PIK3CB: variants seen among roughly 807,000 people sequenced by gnomAD.
PIK3CB encodes the protein phosphatidylinositol-4,5-bisphosphate 3-kinase catalytic subunit beta.
PIK3CB carries 39 observed loss-of-function variants against 136.8 expected under a neutral mutation model. That is an observed-to-expected ratio of 0.29 (90% CI 0.22 to 0.37). The LOEUF (loss-of-function observed/expected upper bound fraction) is 0.37, where lower values mean the gene tolerates loss of function less well. PIK3CB is among the 10% of genes least tolerant of loss of function. PIK3CB has a pLI of 1.00. For synonymous variants in PIK3CB, 428 were observed against 436.6 expected (o/e 0.98, Z 0.25); for missense variants, 868 against 1,275.4 (o/e 0.68, Z 4.87).
chr3:138,817,384 C>T (rs1261047026), intron 1 of PIK3CB, among the ~76,000 whole-genome samples: 8 of 151,664 alleles, frequency 5.3e-5, no homozygotes, highest in South Asian at 2.1e-4. Flanking sequence ...GGCCTGGTGG[C>T]GCATGCCTGT....
chr3:138,695,416 C>A (rs928657020), intron 13 of PIK3CB, among the ~76,000 whole-genome samples: 1 of 152,096 alleles, frequency 6.6e-6, no homozygotes, highest in Non-Finnish European at 1.5e-5. Context: ...TGTTGGCTAT[C>A]TTGTGGATGT....
intron 2 of PIK3CB, among the ~76,000 whole-genome samples, chr3:138,780,124 AT>A (rs141003696): frequency 6.6e-6 from 1 of 151,570 alleles, no homozygotes; most frequent in Non-Finnish European, 1.5e-5. Flanking sequence ...CACCCGGCTA[AT>A]TTTTGGTATT....
chr3:138,760,570 A>C (rs994327709), intron 2 of PIK3CB, among the ~76,000 whole-genome samples: 1 of 152,220 alleles, frequency 6.6e-6, no homozygotes, highest in African/African-American at 2.4e-5. Flanking sequence ...AAATGAACCA[A>C]GGTTCATTTA....
At chr3:138,756,042 A>C (rs2045560762) in intron 3 of PIK3CB, 63 bp from the exon 4 acceptor site, 2 of 872,102 alleles carry the variant, frequency 2.3e-6, no homozygotes, top group Admixed American at 3.9e-5. Context: ...CAAAGATATA[A>C]GGATGCTCAC....
intron 1 of PIK3CB, chr3:138,825,204 G>A (rs960698641): frequency 2.5e-5 from 8 of 315,466 alleles, no homozygotes; most frequent in Admixed American, 3.5e-5. Context: ...CAAGTATTAC[G>A]TGACCATCAC....
intron 12 of PIK3CB, among the ~76,000 whole-genome samples, chr3:138,702,825 T>C (rs1478798676): frequency 6.6e-6 from 1 of 152,202 alleles, no homozygotes; most frequent in Non-Finnish European, 1.5e-5. Context: ...TATTTTACTG[T>C]TTTACTTTTT....
chr3:138,762,443 A>G (rs1456037665), intron 2 of PIK3CB, among the ~76,000 whole-genome samples: 2 of 152,138 alleles, frequency 1.3e-5, no homozygotes, highest in Non-Finnish European at 2.9e-5. Flanking sequence ...CAGTATATGG[A>G]AAGGTCTCTA....
intron 1 of PIK3CB, among the ~76,000 whole-genome samples, chr3:138,820,033 G>C (rs1431918042): frequency 4.6e-5 from 7 of 152,196 alleles, no homozygotes; most frequent in African/African-American, 1.4e-4. Flanking sequence ...CCAGAGTTGA[G>C]ATCCACTGTT....
chr3:138,685,449 A>G (rs911692571), intron 16 of PIK3CB, among the ~76,000 whole-genome samples: 1 of 149,914 alleles, frequency 6.7e-6, no homozygotes, highest in African/African-American at 2.4e-5. Flanking sequence ...GATAAATATG[A>G]AACTTAAACT....
Position 138,655,296 on chromosome 3 carries a change from T to C in PIK3CB, c.*93A>G. 1 of 1,259,290 alleles carries C rather than the reference T, an allele frequency of 7.9e-7. No individual in the cohort carries two copies. The highest frequency in any genetic ancestry group is 1.1e-6 in the Non-Finnish European group (1 of 881,492). The allele number at this position is 1,259,290 out of a possible 1,614,324, so 78.0% of individuals were successfully genotyped here. ...GAGTTCCAGGATTTCATTCCCTTTA[T>C]AACATCTCTAACAGGGTCATGTTCA... On this transcript the variant is annotated 3_prime_UTR_variant, in exon 24 of 24. Coordinates refer to ENST00000674063, the MANE Select transcript of PIK3CB (RefSeq NM_006219.3).
In PIK3CB at chr3:138,801,861, C is replaced by CAAA. The variant is rs35232938; in HGVS notation, c.-121-5297_-121-5295dup. On this transcript the variant is annotated intron_variant, in intron 1 of 23. Coordinates refer to ENST00000674063, the MANE Select transcript of PIK3CB (RefSeq NM_006219.3). ...CTGGTGACAGAGCAAGACTCCATCT[C>CAAA]AAAAAAAAAAAAAAAAAAAAAGATA... Among the ~76,000 whole-genome samples the CAAA allele has an allele frequency of 4.2e-3, 241 of 57,222 alleles. 2 individuals carry two copies. The highest frequency in any genetic ancestry group is 0.017 in the African/African-American group (218 of 12,628). The allele number at this position is 57,222 out of a possible 152,430, so 37.5% of individuals were successfully genotyped here. A position where few individuals can be genotyped will look rare whatever the true frequency, so the allele number is the denominator to read the frequency against.
intron 8 of PIK3CB, among the ~76,000 whole-genome samples, chr3:138,722,690 G>C (rs894272784): frequency 6.8e-6 from 1 of 146,330 alleles, no homozygotes; most frequent in South Asian, 2.1e-4. Context: ...TGCTATAAAA[G>C]CTCAAAAAAA....
At chr3:138,667,897 T>C (rs1162506512) in intron 19 of PIK3CB, among the ~76,000 whole-genome samples, 1 of 151,786 alleles carries the variant, frequency 6.6e-6, no homozygotes, top group Non-Finnish European at 1.5e-5. Context: ...TGAAACCCTG[T>C]GTCTACTAAA....
At chr3:138,807,209 G>T (rs1446355097) in intron 1 of PIK3CB, among the ~76,000 whole-genome samples, 1 of 152,168 alleles carries the variant, frequency 6.6e-6, no homozygotes, top group African/African-American at 2.4e-5. Flanking sequence ...CCAGGCAGGA[G>T]AATTGCTTGA....
chr3:138,686,307 C>T (rs529025235), intron 16 of PIK3CB, among the ~76,000 whole-genome samples: 11 of 149,190 alleles, frequency 7.4e-5, no homozygotes, highest in Non-Finnish European at 1.2e-4. Context: ...AGCGTGGTGG[C>T]GCACACCTGT....
chr3:138,821,722 T>C (rs1933570806), intron 1 of PIK3CB, among the ~76,000 whole-genome samples: 2 of 151,664 alleles, frequency 1.3e-5, no homozygotes, highest in Non-Finnish European at 2.9e-5. Context: ...GAGGGAGAGG[T>C]TGCAGTGAGC....
At chr3:138,700,398 C>T (rs193156553) in intron 12 of PIK3CB, among the ~76,000 whole-genome samples, 31 of 151,916 alleles carry the variant, frequency 2.0e-4, no homozygotes, top group Non-Finnish European at 1.5e-4. Context: ...GCTGTTGTAT[C>T]GGAAAGAAAG....
At chr3:138,704,941 C>T (rs932408987) in intron 11 of PIK3CB, among the ~76,000 whole-genome samples, 62 of 151,332 alleles carry the variant, frequency 4.1e-4, no homozygotes, top group Non-Finnish European at 4.4e-5. Flanking sequence ...GATCAATAAG[C>T]ATATACTTAT....
chr3:138,675,459 G>A (rs1456087856), intron 19 of PIK3CB, among the ~76,000 whole-genome samples: 1 of 152,064 alleles, frequency 6.6e-6, no homozygotes, highest in Admixed American at 6.6e-5. Flanking sequence ...ATATGTCCAG[G>A]ATGCTCAATT....
Sources: gnomAD v4.1 joint callset for allele counts (sites outside exome capture counted in the v4.1 genomes callset) on GRCh38, gnomAD v4.1.1 for gene constraint, MANE v1.5 for transcripts, NCBI Gene and HGNC (gene_info 2026-07-23, HGNC 2026-07-21) for gene names.